ABCC9: variants seen among roughly 807,000 people sequenced by gnomAD.
ABCC9 encodes the protein ATP-binding cassette sub-family C member 9.
ABCC9 carries 95 observed loss-of-function variants against 188.3 expected under a neutral mutation model. The observed-to-expected ratio is 0.50, with a 90% CI of 0.43 to 0.60. The LOEUF (loss-of-function observed/expected upper bound fraction) is 0.60, where lower values mean the gene tolerates loss of function less well. Ranked by LOEUF, ABCC9 falls within the 20% of genes least tolerant of loss-of-function variation. The pLI, the probability that ABCC9 is intolerant of heterozygous loss-of-function variation, is 0.00. For synonymous variants in ABCC9, 659 were observed against 652.7 expected (o/e 1.01, Z -0.15); for missense variants, 1,102 against 1,876.3 (o/e 0.59, Z 7.62).
intron 15 of ABCC9, among the ~76,000 whole-genome samples, chr12:21,886,754 C>T (rs1435623670): frequency 6.6e-6 from 1 of 152,110 alleles, no homozygotes; most frequent in Non-Finnish European, 1.5e-5. Flanking sequence ...TCTTCTTCAC[C>T]AGGCTCCAGC....
At chr12:21,845,252 C>T (rs1944590149) in intron 26 of ABCC9, among the ~76,000 whole-genome samples, 1 of 152,054 alleles carries the variant, frequency 6.6e-6, no homozygotes, top group Non-Finnish European at 1.5e-5. Flanking sequence ...AGCTAATATA[C>T]TGATGTAGGT....
chr12:21,850,912 A>G (rs188715633), intron 24 of ABCC9, among the ~76,000 whole-genome samples: 13 of 151,962 alleles, frequency 8.6e-5, no homozygotes, highest in East Asian at 7.8e-4. Flanking sequence ...CCTCATTTCA[A>G]TGGTTCTGTG....
chr12:21,838,610 G>T (rs981923690), intron 29 of ABCC9, among the ~76,000 whole-genome samples: 2 of 152,172 alleles, frequency 1.3e-5, no homozygotes, highest in South Asian at 2.1e-4. Context: ...AGTTCAATCT[G>T]TCTGGTGCCC....
At chr12:21,915,470 G>GTATATA (rs1948546072) in intron 7 of ABCC9, among the ~76,000 whole-genome samples, 198 bp downstream of exon 7, 2 of 8,386 alleles carry the variant, frequency 2.4e-4, no homozygotes, top group Non-Finnish European at 4.6e-4. Context: ...GTATATGTGT[G>GTATATA]TGTATATATG....
At chr12:21,888,028 G>A (rs1442789319) in intron 14 of ABCC9, 94 bp from the exon 15 acceptor site, 5 of 920,566 alleles carry the variant, frequency 5.4e-6, no homozygotes, top group Non-Finnish European at 7.2e-6. Context: ...ACAGTATTAT[G>A]GTGAGTAGGA....
chr12:21,860,917 A>G, intron 21 of ABCC9, 54 bp downstream of exon 21: 1 of 1,351,918 alleles, frequency 7.4e-7, no homozygotes, highest in Admixed American at 1.7e-5. Flanking sequence ...AAAGACAACC[A>G]GAAGACTTTT....
At chr12:21,840,943 A>G (rs1479275603) in intron 29 of ABCC9, among the ~76,000 whole-genome samples, 3 of 152,340 alleles carry the variant, frequency 2.0e-5, no homozygotes, top group Non-Finnish European at 4.4e-5. Context: ...CTTGCACTCA[A>G]GTCATATTAA....
intron 12 of ABCC9, among the ~76,000 whole-genome samples, chr12:21,903,425 G>A (rs976239532): frequency 6.6e-6 from 1 of 152,126 alleles, no homozygotes; most frequent in South Asian, 2.1e-4. Context: ...GGAAGTACTG[G>A]CCAGGGCAAT....
rs536310131 is a variant in ABCC9 at position 21,799,587 on chromosome 12, A to G, written c.*1457T>C. ...GGAACTTATTTTTTTGTAAATATAA[A>G]GATTAAATATTCAGGTGAAGACACA... On this transcript the variant is annotated 3_prime_UTR_variant, in exon 40 of 40. Coordinates refer to ENST00000261200, the MANE Select transcript of ABCC9 (RefSeq NM_020297.4). 1.3e-5 allele frequency: 2 copies of G among 152,336 alleles called. No homozygotes were observed. Among genetic ancestry groups the G allele is most frequent in the East Asian group, 3.9e-4 (2 of 5,188 alleles). The allele number at this position is 152,336 out of a possible 1,614,324, so 9.4% of individuals were successfully genotyped here.
chr12:21,865,578 A>G lies in ABCC9; in HGVS notation c.2199-1101T>C, dbSNP rs984357147. On this transcript the variant is annotated intron_variant, in intron 18 of 39. Coordinates refer to ENST00000261200, the MANE Select transcript of ABCC9 (RefSeq NM_020297.4). ...TAGTTTTAACTAATTTGAGGAAGAC[A>G]GGGAAGAGAGAAGAGTGAGTATGTG... Among the ~76,000 whole-genome samples the G allele has an allele frequency of 3.3e-5, 5 of 152,208 alleles. 1 individual carries two copies. Among genetic ancestry groups the G allele is most frequent in the Admixed American group, 1.3e-4 (2 of 15,270 alleles).
chr12:21,822,786 G>A (rs543890416), intron 31 of ABCC9, among the ~76,000 whole-genome samples: 9 of 112,180 alleles, frequency 8.0e-5, no homozygotes, highest in African/African-American at 1.1e-4. Flanking sequence ...GTGAGACTCC[G>A]TCTCAAAAAA....
chr12:21,908,533 G>A (rs1948152975), intron 10 of ABCC9, among the ~76,000 whole-genome samples: 1 of 151,944 alleles, frequency 6.6e-6, no homozygotes, highest in Admixed American at 6.6e-5. Flanking sequence ...AACCTTTTAA[G>A]TAGTCTTCAG....
rs374576382 is a variant in ABCC9 at position 21,936,178 on chromosome 12, A to G, written c.142+355T>C. Among the ~76,000 whole-genome samples, 6 of 152,254 alleles carry G rather than the reference A, an allele frequency of 3.9e-5. No individual in the cohort carries two copies. The East Asian group carries it at 1.2e-3, about 29-fold the overall frequency. On this transcript the variant is annotated intron_variant, in intron 3 of 39. Transcript: ENST00000261200. ...GACTTTAACACATCTGCCCCACTGG[A>G]CTATTCCCTGAAGGCAAGTACTCTT... is the stretch of plus-strand genomic sequence containing the variant.
intron 39 of ABCC9, among the ~76,000 whole-genome samples, chr12:21,801,614 A>G (rs548239877): frequency 6.6e-6 from 1 of 152,234 alleles, no homozygotes; most frequent in Non-Finnish European, 1.5e-5. Flanking sequence ...AAAGTGGTTT[A>G]GTTCCGGGAT....
chr12:21,825,343 T>C (rs1943308153), intron 31 of ABCC9, among the ~76,000 whole-genome samples: 1 of 152,190 alleles, frequency 6.6e-6, no homozygotes, highest in African/African-American at 2.4e-5. Context: ...TACATGCACA[T>C]ATATGTTTAT....
chr12:21,874,417 G>C (rs1946238451), intron 17 of ABCC9, among the ~76,000 whole-genome samples: 3 of 152,132 alleles, frequency 2.0e-5, no homozygotes, highest in African/African-American at 7.2e-5. Flanking sequence ...TGGTAATGTA[G>C]AATTGTGCAG....
At chr12:21,845,306 T>A (rs1256488063) in intron 26 of ABCC9, among the ~76,000 whole-genome samples, 2 of 152,068 alleles carry the variant, frequency 1.3e-5, no homozygotes, top group African/African-American at 4.8e-5. Context: ...AAAGGTCCTC[T>A]GTGTGTATAT....
At chr12:21,908,727 CT>C (rs1437150798) in intron 10 of ABCC9, among the ~76,000 whole-genome samples, 2 of 151,926 alleles carry the variant, frequency 1.3e-5, no homozygotes, top group Non-Finnish European at 2.9e-5. Flanking sequence ...TCCTCACCTT[CT>C]TATGACTTCA....
At chr12:21,823,962 TA>T (rs1943203110) in intron 31 of ABCC9, among the ~76,000 whole-genome samples, 1 of 152,234 alleles carries the variant, frequency 6.6e-6, no homozygotes, top group Admixed American at 6.5e-5. Flanking sequence ...TTGAGTGTGT[TA>T]TGGCCTTTAT....
Sources: allele counts gnomAD v4.1 joint callset (sites outside exome capture counted in the v4.1 genomes callset), GRCh38; gene constraint gnomAD v4.1.1; transcripts MANE v1.5; gene names NCBI Gene and HGNC (gene_info 2026-07-23, HGNC 2026-07-21).